MGAT4C: variants seen among roughly 807,000 people sequenced by gnomAD.
The protein encoded by MGAT4C is MGAT4 family member C, also known as alpha-1,3-mannosyl-glycoprotein 4-beta-N-acetylglucosaminyltransferase C.
In MGAT4C, 19 loss-of-function variants were observed where a neutral mutation model predicts 40.1. That is an observed-to-expected ratio of 0.47 (90% CI 0.33 to 0.70). The LOEUF (loss-of-function observed/expected upper bound fraction) is 0.70, where lower values mean the gene tolerates loss of function less well. MGAT4C is among the 30% of genes least tolerant of loss of function. MGAT4C has a pLI of 0.02. For missense variants in MGAT4C, 491 were observed against 563.2 expected, an observed-to-expected ratio of 0.87 and a Z score of 1.30; for synonymous variants, 181 against 187.1, an observed-to-expected ratio of 0.97 and a Z score of 0.27.
At chr12:86,641,784 T>C (rs571346145) in intron 2 of MGAT4C, among the ~76,000 whole-genome samples, 4 of 151,890 alleles carry the variant, frequency 2.6e-5, no homozygotes, top group Non-Finnish European at 5.9e-5. Flanking sequence ...AAAAGGAGTA[T>C]AATATACAAT....
At chr12:86,482,963 T>G (rs1449598511) in intron 2 of MGAT4C, among the ~76,000 whole-genome samples, 1 of 152,228 alleles carries the variant, frequency 6.6e-6, no homozygotes, top group East Asian at 1.9e-4. Flanking sequence ...TGTATCGTGA[T>G]TCTTACATAA....
intron 2 of MGAT4C, among the ~76,000 whole-genome samples, chr12:86,722,241 G>A (rs1307447627): frequency 6.6e-6 from 1 of 152,192 alleles, no homozygotes; most frequent in East Asian, 1.9e-4. Flanking sequence ...CCGAAAGAGG[G>A]AACTGTAGCA....
chr12:86,705,207 G>C lies in MGAT4C; in HGVS notation c.-229+22002C>G, dbSNP rs76329723. Among the ~76,000 whole-genome samples the C allele has an allele frequency of 3.4e-3, 494 of 144,526 alleles. 3 individuals are homozygous for C. Among genetic ancestry groups the C allele is most frequent in the African/African-American group, 0.012 (473 of 38,792 alleles). 94.8% of individuals were successfully genotyped at this position (144,526 alleles called of 152,430 possible). A position where few individuals can be genotyped will look rare whatever the true frequency, so the allele number is the denominator to read the frequency against. ...AAACTCTCTAATTATCTATCTATCTGTCTATTATCTCTATCTATCTATCTA... is the reference window on the plus strand; with the variant it reads ...AAACTCTCTAATTATCTATCTATCTCTCTATTATCTCTATCTATCTATCTA... On this transcript the variant is annotated intron_variant, in intron 2 of 7. Transcript: ENST00000548651.
Position 86,303,569 on chromosome 12 carries a change from A to G in MGAT4C, c.-57+30496T>C, listed in dbSNP as rs12306455. On this transcript the variant is annotated intron_variant, in intron 4 of 7. Coordinates refer to the MGAT4C transcript ENST00000548651. ...TTGAAGGAAGACACTTAAAAAAAAA[A>G]GAATAAAACTACTGCAATCCAGAGT... Among the ~76,000 whole-genome samples, 1,279 of 149,242 alleles carry G rather than the reference A, an allele frequency of 8.6e-3. 132 individuals are homozygous for G. Among genetic ancestry groups the G allele is most frequent in the African/African-American group, 0.031 (1,227 of 39,346 alleles).
chr12:86,269,564 T>G (rs924325365), intron 4 of MGAT4C, among the ~76,000 whole-genome samples: 4 of 140,292 alleles, frequency 2.9e-5, no homozygotes, highest in African/African-American at 8.3e-5. Context: ...GGTTTTTTTG[T>G]TTTTTTTTTT....
chr12:86,510,918 A>G (rs1388966802), intron 2 of MGAT4C, among the ~76,000 whole-genome samples: 1 of 151,462 alleles, frequency 6.6e-6, no homozygotes, highest in Non-Finnish European at 1.5e-5. Flanking sequence ...CACTGTCAAC[A>G]TTAGACAGAT....
intron 1 of MGAT4C, among the ~76,000 whole-genome samples, chr12:86,221,646 C>G (rs547354028): frequency 1.3e-5 from 2 of 152,326 alleles, no homozygotes; most frequent in East Asian, 1.9e-4. Context: ...TGAGTCTCAG[C>G]CAATCATAGC....
At chr12:85,995,533 C>T (rs1033544134) in intron 2 of MGAT4C, among the ~76,000 whole-genome samples, 4 of 152,044 alleles carry the variant, frequency 2.6e-5, no homozygotes, top group Non-Finnish European at 4.4e-5. Flanking sequence ...GTCCATCAGC[C>T]AGCAAACTTG....
At chr12:86,234,289 GA>G (rs1054473710) in intron 1 of MGAT4C, among the ~76,000 whole-genome samples, 1 of 152,080 alleles carries the variant, frequency 6.6e-6, no homozygotes, top group African/African-American at 2.4e-5. Context: ...AGCATTTGGG[GA>G]AAAAATTACA....
intron 1 of MGAT4C, among the ~76,000 whole-genome samples, chr12:86,126,437 C>A (rs955011425): frequency 2.0e-5 from 3 of 151,824 alleles, no homozygotes; most frequent in African/African-American, 7.3e-5. Flanking sequence ...TTAAAAAAGC[C>A]AGTTTAACCG....
At chr12:86,748,468 T>G (rs1565963061) in intron 1 of MGAT4C, among the ~76,000 whole-genome samples, 1 of 151,654 alleles carries the variant, frequency 6.6e-6, no homozygotes, top group Non-Finnish European at 1.5e-5. Context: ...GCAAACCTAT[T>G]CAAGGATAAT....
In MGAT4C at chr12:86,060,930, T is replaced by C. The variant is rs75593049; in HGVS notation, c.-56-11207A>G. 7.3e-3 allele frequency among the ~76,000 whole-genome samples: 1,118 copies of C among 152,222 alleles called. 9 individuals are homozygous for C. The highest frequency in any genetic ancestry group is 0.011 in the Non-Finnish European group (756 of 68,012). On this transcript the variant is annotated intron_variant, in intron 1 of 4. Coordinates refer to ENST00000611864, the MANE Select transcript of MGAT4C (RefSeq NM_001351288.2). ...TTCATATGCTTCTTGGGGGAACATG[T>C]AGGGAGGAAGGAAATCCTGCGCCCA...
intron 2 of MGAT4C, among the ~76,000 whole-genome samples, chr12:86,463,978 T>A (rs1957640312): frequency 6.6e-6 from 1 of 152,206 alleles, no homozygotes; most frequent in Admixed American, 6.5e-5. Context: ...TTTTGCTATT[T>A]CAGAGGTGTT....
intron 3 of MGAT4C, among the ~76,000 whole-genome samples, chr12:86,375,188 A>G (rs909837465): frequency 6.6e-6 from 1 of 152,158 alleles, no homozygotes; most frequent in African/African-American, 2.4e-5. Flanking sequence ...CTCCTTTTTC[A>G]AGCAGTTTTG....
At chr12:86,521,716 T>C (rs879562801) in intron 2 of MGAT4C, among the ~76,000 whole-genome samples, 3 of 152,106 alleles carry the variant, frequency 2.0e-5, no homozygotes, top group Admixed American at 6.6e-5. Context: ...TTAACAACAT[T>C]GATTCTTCCT....
At position 86,069,935 on chromosome 12, in the gene MGAT4C, A is replaced by T. The variant is rs77717051; in HGVS notation, c.-56-20212T>A. 9.3e-3 allele frequency among the ~76,000 whole-genome samples: 1,423 copies of T among 152,208 alleles called. 8 individuals carry two copies. Among genetic ancestry groups the T allele is most frequent in the Middle Eastern group, 0.017 (5 of 294 alleles). On this transcript the variant is annotated intron_variant, in intron 1 of 4. Coordinates refer to ENST00000611864, the MANE Select transcript of MGAT4C (RefSeq NM_001351288.2). ...ACACAAAATTAAATAATATATTCTC[A>T]TTTATTGCTAAACAGTTGCCAATTA...
intron 2 of MGAT4C, among the ~76,000 whole-genome samples, chr12:86,435,685 A>G (rs1248434555): frequency 6.6e-6 from 1 of 151,928 alleles, no homozygotes; most frequent in East Asian, 1.9e-4. Flanking sequence ...AACTCAAATG[A>G]ACATTCTATA....
intron 2 of MGAT4C, among the ~76,000 whole-genome samples, chr12:86,714,904 T>C (rs1950620661): frequency 6.6e-6 from 1 of 152,126 alleles, no homozygotes. Context: ...AAAACAATAA[T>C]AGCTATTATA....
chr12:86,796,352 C>T (rs1952119149), intron 1 of MGAT4C, among the ~76,000 whole-genome samples: 1 of 151,920 alleles, frequency 6.6e-6, no homozygotes, highest in Non-Finnish European at 1.5e-5. Flanking sequence ...ATACAACATG[C>T]CCTTGCAGTG....
Sources: gnomAD v4.1 joint callset for allele counts (sites outside exome capture counted in the v4.1 genomes callset) on GRCh38, gnomAD v4.1.1 for gene constraint, MANE v1.5 for transcripts, NCBI Gene and HGNC (gene_info 2026-07-23, HGNC 2026-07-21) for gene names.